KHDRBS3: variants seen among roughly 807,000 people sequenced by gnomAD.
The protein encoded by KHDRBS3 is KH domain-containing, RNA-binding, signal transduction-associated protein 3.
Under a neutral mutation model 45.6 loss-of-function variants are expected in KHDRBS3, and 23 were observed. The ratio of observed to expected loss-of-function variants is 0.50; its 90% CI spans 0.36 to 0.72. The LOEUF (loss-of-function observed/expected upper bound fraction) is 0.72. Among genes scored for constraint, KHDRBS3 ranks in the 30% least tolerant of loss-of-function variants. The probability of loss-of-function intolerance (pLI) is 0.00; values close to 1 mark genes in which losing one functional copy is unlikely to be tolerated. For synonymous variants in KHDRBS3, 162 were observed against 156.5 expected (o/e 1.04, Z -0.26); for missense variants, 352 against 424.8 (o/e 0.83, Z 1.51).
intron 7 of KHDRBS3, among the ~76,000 whole-genome samples, chr8:135,622,278 G>A (rs756952477): frequency 2.0e-5 from 3 of 152,122 alleles, no homozygotes; most frequent in Non-Finnish European, 4.4e-5. Context: ...CTTTACATCA[G>A]TAATGTTAAA....
intron 7 of KHDRBS3, among the ~76,000 whole-genome samples, chr8:135,639,453 C>G (rs1005404239): frequency 6.6e-6 from 1 of 152,130 alleles, no homozygotes; most frequent in Admixed American, 6.5e-5. Context: ...GACAATGATG[C>G]TGTTGGGAGA....
intron 1 of KHDRBS3, among the ~76,000 whole-genome samples, chr8:135,499,432 C>A (rs1169855977): frequency 6.6e-6 from 1 of 152,176 alleles, no homozygotes; most frequent in African/African-American, 2.4e-5. Flanking sequence ...CAGTCTTTCT[C>A]CTAATCCACC....
chr8:135,534,220 T>G (rs1563749400), intron 2 of KHDRBS3, among the ~76,000 whole-genome samples: 1 of 151,858 alleles, frequency 6.6e-6, no homozygotes, highest in Non-Finnish European at 1.5e-5. Context: ...CTCAGGTGTT[T>G]TTTTTTTAAC....
At chr8:135,551,823 TC>T (rs1401684916) in intron 4 of KHDRBS3, among the ~76,000 whole-genome samples, 1 of 152,198 alleles carries the variant, frequency 6.6e-6, no homozygotes, top group African/African-American at 2.4e-5. Context: ...TGAAGGTTTT[TC>T]TTTAGACTTT....
intron 1 of KHDRBS3, among the ~76,000 whole-genome samples, chr8:135,517,503 G>C (rs1312348253): frequency 6.6e-6 from 1 of 151,924 alleles, no homozygotes; most frequent in Non-Finnish European, 1.5e-5. Flanking sequence ...TCAAGATTTC[G>C]TAGATAATTT....
chr8:135,611,253 G>A (rs1829694303), intron 7 of KHDRBS3, among the ~76,000 whole-genome samples: 1 of 151,812 alleles, frequency 6.6e-6, no homozygotes, highest in South Asian at 2.1e-4. Context: ...CTCATAACAT[G>A]TCAAATAAAC....
chr8:135,636,003 G>C (rs1830795673), intron 7 of KHDRBS3, among the ~76,000 whole-genome samples: 1 of 152,198 alleles, frequency 6.6e-6, no homozygotes, highest in Admixed American at 6.5e-5. Context: ...GGAAAGCTCA[G>C]ATTCTGTCAT....
At chr8:135,562,681 T>C (rs1401986337) in intron 5 of KHDRBS3, among the ~76,000 whole-genome samples, 4 of 152,212 alleles carry the variant, frequency 2.6e-5, no homozygotes, top group Admixed American at 6.5e-5. Context: ...GTAAGGTCAG[T>C]ACACAAAAAC....
chr8:135,608,673 A>T (rs1174290962), intron 7 of KHDRBS3, among the ~76,000 whole-genome samples: 1 of 152,182 alleles, frequency 6.6e-6, no homozygotes, highest in Non-Finnish European at 1.5e-5. Context: ...TATGGGATGT[A>T]TATACAGTTA....
intron 1 of KHDRBS3, among the ~76,000 whole-genome samples, chr8:135,459,756 G>T (rs1821334460): frequency 6.6e-6 from 1 of 152,192 alleles, no homozygotes; most frequent in East Asian, 1.9e-4. Flanking sequence ...ATAGTATTGT[G>T]TTGCTAAAAC....
At chr8:135,526,690 GT>G (rs1251037207) in intron 2 of KHDRBS3, among the ~76,000 whole-genome samples, 1 of 152,144 alleles carries the variant, frequency 6.6e-6, no homozygotes, top group African/African-American at 2.4e-5. Context: ...ACTACTGTTT[GT>G]GAAACTCCAT....
chr8:135,641,720 A>T (rs930209627), intron 7 of KHDRBS3, among the ~76,000 whole-genome samples: 1 of 152,248 alleles, frequency 6.6e-6, no homozygotes, highest in Non-Finnish European at 1.5e-5. Context: ...CCAAGGTGGC[A>T]CTGCAGGTAA....
chr8:135,650,762 CA>C (rs1831412897), downstream of KHDRBS3, among the ~76,000 whole-genome samples: 5 of 152,324 alleles, frequency 3.3e-5, no homozygotes, highest in South Asian at 1.0e-3. Context: ...GTATCTCACA[CA>C]ACACTGAGCA....
intron 5 of KHDRBS3, among the ~76,000 whole-genome samples, chr8:135,566,446 G>A (rs747376764): frequency 5.9e-5 from 9 of 152,204 alleles, no homozygotes; most frequent in South Asian, 2.1e-4. Flanking sequence ...AATCAAACAC[G>A]GTACATTCAA....
chr8:135,580,786 T>A (rs1828168763), intron 5 of KHDRBS3, among the ~76,000 whole-genome samples: 1 of 152,046 alleles, frequency 6.6e-6, no homozygotes, highest in Admixed American at 6.6e-5. Context: ...CTAATTTTTG[T>A]ATTTTTAGTA....
At chr8:135,462,136 G>T (rs1028051381) in intron 1 of KHDRBS3, among the ~76,000 whole-genome samples, 4 of 152,082 alleles carry the variant, frequency 2.6e-5, no homozygotes, top group Non-Finnish European at 5.9e-5. Context: ...CTGTATTTAG[G>T]TATGGTGCCT....
At chr8:135,645,240 C>T (rs1015878635) in intron 8 of KHDRBS3, 123 bp downstream of exon 8, 8 of 877,232 alleles carry the variant, frequency 9.1e-6, no homozygotes, top group South Asian at 6.8e-5. Context: ...CCTGTCAATT[C>T]ATTTGTGCAT....
At chr8:135,609,700 C>T (rs1371269721) in intron 7 of KHDRBS3, among the ~76,000 whole-genome samples, 1 of 151,836 alleles carries the variant, frequency 6.6e-6, no homozygotes, top group Admixed American at 6.6e-5. Flanking sequence ...TTTCTCAGCA[C>T]CATTATGATA....
intron 2 of KHDRBS3, among the ~76,000 whole-genome samples, chr8:135,529,735 G>A (rs966237920): frequency 6.6e-6 from 1 of 152,098 alleles, no homozygotes; most frequent in African/African-American, 2.4e-5. Flanking sequence ...TCTATTACAT[G>A]TATGTTTGTC....
Sources: allele counts gnomAD v4.1 joint callset (sites outside exome capture counted in the v4.1 genomes callset), GRCh38; gene constraint gnomAD v4.1.1; transcripts MANE v1.5; gene names NCBI Gene and HGNC (gene_info 2026-07-23, HGNC 2026-07-21).